AGBL4: variants seen among roughly 807,000 people sequenced by gnomAD.
The protein encoded by AGBL4 is cytosolic carboxypeptidase 6.
In AGBL4, 58 loss-of-function variants were observed where a neutral mutation model predicts 66.4. That is an observed-to-expected ratio of 0.87 (90% CI 0.71 to 1.09). The LOEUF is 1.09. AGBL4 is among the 50% of genes least tolerant of loss of function. The probability of loss-of-function intolerance (pLI) is 0.00; values close to 1 mark genes in which losing one functional copy is unlikely to be tolerated. For missense variants in AGBL4, 579 were observed against 631.0 expected, an observed-to-expected ratio of 0.92 and a Z score of 0.88; for synonymous variants, 234 against 222.9, an observed-to-expected ratio of 1.05 and a Z score of -0.44.
chr1:49,914,768 A>G (rs1253546192), intron 1 of AGBL4, among the ~76,000 whole-genome samples: 1 of 152,202 alleles, frequency 6.6e-6, no homozygotes, highest in African/African-American at 2.4e-5. Flanking sequence ...ATTTATAAAG[A>G]AAAAGGTTAT....
intron 3 of AGBL4, among the ~76,000 whole-genome samples, chr1:49,397,415 A>C (rs1237326573): frequency 6.6e-6 from 1 of 152,192 alleles, no homozygotes; most frequent in Non-Finnish European, 1.5e-5. Context: ...TTCTTCAATT[A>C]TTTCCCTTCT....
chr1:49,770,056 T>G (rs1012680607), intron 2 of AGBL4, among the ~76,000 whole-genome samples: 1 of 152,070 alleles, frequency 6.6e-6, no homozygotes, highest in Non-Finnish European at 1.5e-5. Context: ...AGAAAATATT[T>G]CGGCTGGGCG....
At chr1:49,888,035 T>A (rs1648250721) in intron 1 of AGBL4, among the ~76,000 whole-genome samples, 1 of 152,168 alleles carries the variant, frequency 6.6e-6, no homozygotes, top group African/African-American at 2.4e-5. Flanking sequence ...TTTTTTCAGA[T>A]ATTTTCAGAC....
chr1:49,872,053 G>T (rs561593682), intron 1 of AGBL4, among the ~76,000 whole-genome samples: 1 of 152,084 alleles, frequency 6.6e-6, no homozygotes, highest in African/African-American at 2.4e-5. Flanking sequence ...TTGAGAAGAG[G>T]TGTTAATTAC....
intron 3 of AGBL4, among the ~76,000 whole-genome samples, chr1:49,567,203 CCT>C (rs1644229349): frequency 6.6e-6 from 1 of 152,242 alleles, no homozygotes; most frequent in Admixed American, 6.5e-5. Context: ...GTCTGTCACC[CCT>C]TTCTTTGACT....
At chr1:49,061,634 C>G (rs537569399) in intron 4 of AGBL4, among the ~76,000 whole-genome samples, 25 of 152,212 alleles carry the variant, frequency 1.6e-4, no homozygotes, top group African/African-American at 5.5e-4. Flanking sequence ...ATCAGATTAT[C>G]AAGGTCAGAA....
At chr1:49,292,195 C>T (rs2148428403) in intron 3 of AGBL4, among the ~76,000 whole-genome samples, 1 of 152,374 alleles carries the variant, frequency 6.6e-6, no homozygotes, top group Admixed American at 6.5e-5. Flanking sequence ...CCTGCCACCT[C>T]AGCCCACTCC....
intron 5 of AGBL4, among the ~76,000 whole-genome samples, chr1:48,958,376 T>C (rs957403761): frequency 1.3e-5 from 2 of 152,234 alleles, no homozygotes; most frequent in African/African-American, 4.8e-5. Context: ...AGTATAGAGC[T>C]GTCACTGAGA....
At chr1:49,417,511 G>GA (rs1645453048) in intron 3 of AGBL4, among the ~76,000 whole-genome samples, 1 of 152,098 alleles carries the variant, frequency 6.6e-6, no homozygotes, top group South Asian at 2.1e-4. Flanking sequence ...GGATAAACTG[G>GA]AGTTCTTTTG....
chr1:48,820,258 A>T (rs1432471103), intron 6 of AGBL4, among the ~76,000 whole-genome samples: 1 of 152,132 alleles, frequency 6.6e-6, no homozygotes, highest in Non-Finnish European at 1.5e-5. Context: ...TGAAGATCTG[A>T]ACTGAATATC....
chr1:48,946,575 C>G (rs1041083557), intron 5 of AGBL4, among the ~76,000 whole-genome samples: 6 of 152,094 alleles, frequency 3.9e-5, no homozygotes, highest in Admixed American at 2.6e-4. Context: ...GTCTGAGGAC[C>G]CTTCTGTCTC....
At chr1:49,586,447 C>T (rs1456642911) in intron 3 of AGBL4, among the ~76,000 whole-genome samples, 1 of 152,126 alleles carries the variant, frequency 6.6e-6, no homozygotes, top group African/African-American at 2.4e-5. Flanking sequence ...TTAGAATTTA[C>T]AAAAACATTC....
chr1:49,973,582 T>C (rs1450123715), intron 1 of AGBL4, among the ~76,000 whole-genome samples: 1 of 148,302 alleles, frequency 6.7e-6, no homozygotes, highest in African/African-American at 2.4e-5. Flanking sequence ...TATATTGTTA[T>C]ATATTATCCT....
In AGBL4 at chr1:49,236,916, G is replaced by A. The variant is rs375987326; in HGVS notation, c.377+8854C>T. Reference sequence around the variant, plus strand: ...GGTGGGGAGGTAATTGAATCATGGGGTGAGACTTTCCTGCACTGTTATCCT... The same window carrying A: ...GGTGGGGAGGTAATTGAATCATGGGATGAGACTTTCCTGCACTGTTATCCT... On this transcript the variant is annotated intron_variant, in intron 4 of 13. Coordinates refer to ENST00000371839, the MANE Select transcript of AGBL4 (RefSeq NM_032785.4). Among the ~76,000 whole-genome samples the A allele has an allele frequency of 3.3e-4, 50 of 152,110 alleles. 1 individual carries two copies. In the South Asian group the frequency reaches 9.6e-3, roughly 29 times the overall value.
intron 9 of AGBL4, among the ~76,000 whole-genome samples, chr1:48,632,326 C>T (rs1645606759): frequency 6.6e-6 from 1 of 152,216 alleles, no homozygotes; most frequent in Non-Finnish European, 1.5e-5. Flanking sequence ...CAAATCATTT[C>T]CTAACATCTC....
intron 5 of AGBL4, 62 bp downstream of exon 5, chr1:49,045,522 A>T: frequency 6.9e-7 from 1 of 1,452,852 alleles, no homozygotes; most frequent in Non-Finnish European, 9.5e-7. Flanking sequence ...AACCCGTGTT[A>T]AGTCCCTATC....
At chr1:49,310,539 T>C (rs1470513491) in intron 3 of AGBL4, among the ~76,000 whole-genome samples, 1 of 152,102 alleles carries the variant, frequency 6.6e-6, no homozygotes, top group Admixed American at 6.6e-5. Flanking sequence ...GAAAATACTG[T>C]CTAAATTGTG....
chr1:49,863,353 C>T (rs953120393), intron 1 of AGBL4, among the ~76,000 whole-genome samples: 4 of 152,162 alleles, frequency 2.6e-5, no homozygotes, highest in African/African-American at 7.2e-5. Flanking sequence ...TGGAAAAAAT[C>T]ACCAGGACAT....
intron 1 of AGBL4, among the ~76,000 whole-genome samples, chr1:49,966,826 G>T (rs1657603511): frequency 6.6e-6 from 1 of 152,072 alleles, no homozygotes; most frequent in African/African-American, 2.4e-5. Flanking sequence ...TTTCAGAAAT[G>T]GAATTACTGA....
Sources: gnomAD v4.1 joint callset for allele counts (sites outside exome capture counted in the v4.1 genomes callset) on GRCh38, gnomAD v4.1.1 for gene constraint, MANE v1.5 for transcripts, NCBI Gene and HGNC (gene_info 2026-07-23, HGNC 2026-07-21) for gene names.